DPYSL2: variants seen among roughly 807,000 people sequenced by gnomAD.
DPYSL2 encodes dihydropyrimidinase-related protein 2.
Under a neutral mutation model 69.9 loss-of-function variants are expected in DPYSL2, and 13 were observed. The ratio of observed to expected loss-of-function variants is 0.19; its 90% CI spans 0.12 to 0.30. DPYSL2 has a LOEUF of 0.30. Among genes scored for constraint, DPYSL2 ranks in the 10% least tolerant of loss-of-function variants. The pLI, the probability that DPYSL2 is intolerant of heterozygous loss-of-function variation, is 1.00. For missense variants in DPYSL2, 587 were observed against 918.9 expected (o/e 0.64, Z 4.67); for synonymous variants, 326 against 359.1 (o/e 0.91, Z 1.04).
At chr8:26,569,927 G>A (rs1003041345) in intron 1 of DPYSL2, among the ~76,000 whole-genome samples, 6 of 152,106 alleles carry the variant, frequency 3.9e-5, no homozygotes, top group Non-Finnish European at 7.3e-5. Flanking sequence ...AAGATCAGTC[G>A]GGCGCGGTGG....
chr8:26,622,090 T>TTCCTTCCTTCCTTCCTTCCTTCC (rs1563413218), intron 3 of DPYSL2, among the ~76,000 whole-genome samples: 1 of 64,376 alleles, frequency 1.6e-5, no homozygotes, highest in Non-Finnish European at 3.2e-5. Context: ...TCTTTCTTTC[T>TTCCTTCCTTCCTTCCTTCCTTCC]TTCCTTCCTT....
intron 3 of DPYSL2, among the ~76,000 whole-genome samples, chr8:26,601,738 G>C (rs1233299505): frequency 6.6e-6 from 1 of 152,200 alleles, no homozygotes; most frequent in Non-Finnish European, 1.5e-5. Context: ...GAGAGACCTT[G>C]GGTTGAAACA....
chr8:26,555,022 T>C (rs774648733), intron 1 of DPYSL2, among the ~76,000 whole-genome samples: 65 of 152,088 alleles, frequency 4.3e-4, no homozygotes, highest in Non-Finnish European at 7.5e-4. Context: ...AAAGATCACA[T>C]GATTATACCA....
intron 1 of DPYSL2, among the ~76,000 whole-genome samples, chr8:26,551,902 C>T (rs1324242388): frequency 3.3e-5 from 5 of 152,180 alleles, no homozygotes; most frequent in Non-Finnish European, 5.9e-5. Context: ...CATCCTTGAA[C>T]TCCTGGGCTC....
Position 26,600,575 on chromosome 8 carries a change from A to G in DPYSL2, c.628+16592A>G, listed in dbSNP as rs573202635. 2.6e-4 allele frequency among the ~76,000 whole-genome samples: 40 copies of G among 152,250 alleles called. 1 individual carries two copies. The South Asian group carries it at 8.3e-3, about 32-fold the overall frequency. On this transcript the variant is annotated intron_variant, in intron 3 of 13. Coordinates refer to ENST00000521913, the MANE Select transcript of DPYSL2 (RefSeq NM_001197293.3). Reference sequence around the variant, plus strand: ...TGTACTCATTCACTGACCCCTAGTCACATTTATCTTGACCTGTGATGTGAG... The same window carrying G: ...TGTACTCATTCACTGACCCCTAGTCGCATTTATCTTGACCTGTGATGTGAG...
rs986987786 is a variant in DPYSL2, at chr8:26,653,165, G to C, written c.1777-67G>C. 6 of 1,557,750 alleles carry C rather than the reference G, an allele frequency of 3.9e-6. No homozygotes were observed. The African/African-American group carries it at 4.1e-5, about 11-fold the overall frequency. ...ATCTCACAGGCCCATCCTCCCTCCA[G>C]GAGGGTTTCTAGAGAGGTATCCTCT... On this transcript the variant is annotated intron_variant, in intron 12 of 13. Transcript: ENST00000521913. This position sits in a 1 kb window ranked among gnomAD's most constrained non-coding sequence, Gnocchi z 5.7.
chr8:26,567,803 C>A (rs997350779), intron 1 of DPYSL2, among the ~76,000 whole-genome samples: 11 of 152,178 alleles, frequency 7.2e-5, no homozygotes, highest in African/African-American at 2.4e-4. Flanking sequence ...GAGGTAGTGG[C>A]CTTAGATGGG....
At chr8:26,523,587 A>G (rs1808426052) in intron 1 of DPYSL2, among the ~76,000 whole-genome samples, 1 of 152,020 alleles carries the variant, frequency 6.6e-6, no homozygotes, top group Admixed American at 6.6e-5. Context: ...TTTTTTAACT[A>G]GTTTATTTCA....
chr8:26,655,726 C>T lies in DPYSL2; in HGVS notation c.*20C>T, dbSNP rs760038630. 2 of 1,577,056 alleles carry T rather than the reference C, an allele frequency of 1.3e-6. No homozygotes were observed. Among genetic ancestry groups the T allele is most frequent in the East Asian group, 4.5e-5 (2 of 44,312 alleles). Reference sequence around the variant, plus strand: ...GGCTAGAGCTCCTGGGCTGTGCCGTCCACTGGGGACTGGGGATGGGACACC... The same window carrying T: ...GGCTAGAGCTCCTGGGCTGTGCCGTTCACTGGGGACTGGGGATGGGACACC... On this transcript the variant is annotated 3_prime_UTR_variant, in exon 14 of 14. Coordinates refer to ENST00000521913, the MANE Select transcript of DPYSL2 (RefSeq NM_001197293.3).
chr8:26,592,328 T>A (rs186613498), intron 3 of DPYSL2, among the ~76,000 whole-genome samples: 64 of 152,320 alleles, frequency 4.2e-4, no homozygotes, highest in Admixed American at 2.0e-3. Context: ...AATTTTTTAC[T>A]TGTTAGTAGA....
chr8:26,556,770 G>C (rs1800995240), intron 1 of DPYSL2, among the ~76,000 whole-genome samples: 1 of 151,988 alleles, frequency 6.6e-6, no homozygotes, highest in Non-Finnish European at 1.5e-5. Flanking sequence ...GAGAAGCAAA[G>C]GAGTTCAGAA....
Position 26,644,100 on chromosome 8 carries a change from C to G in DPYSL2, c.1425+9C>G, listed in dbSNP as rs557783598. 9.9e-6 allele frequency: 16 copies of G among 1,613,428 alleles called. No homozygotes were observed. The African/African-American group carries it at 1.9e-4, about 19-fold the overall frequency. ...TCTGGGACAAGGCTGTGGTAAGGAGCGATGGCCTCACTCCTTGGTGGCTCT... is the reference window on the plus strand; with the variant it reads ...TCTGGGACAAGGCTGTGGTAAGGAGGGATGGCCTCACTCCTTGGTGGCTCT... On this transcript the variant is annotated intron_variant, in intron 10 of 13. Coordinates refer to ENST00000521913, the MANE Select transcript of DPYSL2 (RefSeq NM_001197293.3). This position sits in a 1 kb window ranked among gnomAD's most constrained non-coding sequence, Gnocchi z 4.5.
chr8:26,525,048 C>T (rs968139525), intron 1 of DPYSL2, among the ~76,000 whole-genome samples: 1 of 152,034 alleles, frequency 6.6e-6, no homozygotes, highest in African/African-American at 2.4e-5. Flanking sequence ...TAGTTTTCCT[C>T]TAATTTTTAA....
chr8:26,537,166 G>A (rs557264096), intron 1 of DPYSL2, among the ~76,000 whole-genome samples: 2 of 152,228 alleles, frequency 1.3e-5, no homozygotes, highest in South Asian at 4.1e-4. Context: ...TACAGAGTTG[G>A]TTAGGTAATA....
chr8:26,569,386 AC>A (rs763302376), intron 1 of DPYSL2, among the ~76,000 whole-genome samples: 6,027 of 146,806 alleles, frequency 0.041, 156 homozygotes, highest in South Asian at 0.12. Flanking sequence ...ACAAAAAAAA[AC>A]CAAAGAAAAA....
intron 1 of DPYSL2, among the ~76,000 whole-genome samples, chr8:26,524,213 G>C (rs1349464829): frequency 6.6e-6 from 1 of 152,104 alleles, no homozygotes; most frequent in African/African-American, 2.4e-5. Flanking sequence ...TGTTTGTTTT[G>C]ATAGACATCA....
rs1292198814 is a variant in DPYSL2 at position 26,514,703 on chromosome 8, A to C, written c.354+24A>C. The C allele has an allele frequency of 1.7e-6, 2 of 1,145,482 alleles. No homozygotes were observed. Among genetic ancestry groups the C allele is most frequent in the Non-Finnish European group, 2.3e-6 (2 of 878,066 alleles). 71.0% of individuals were successfully genotyped at this position (1,145,482 alleles called of 1,614,324 possible). On this transcript the variant is annotated intron_variant, in intron 1 of 13. Coordinates refer to ENST00000521913, the MANE Select transcript of DPYSL2 (RefSeq NM_001197293.3). This position sits in a 1 kb window ranked among gnomAD's most constrained non-coding sequence, Gnocchi z 8.4. ...AGGTCGGTGTGGGGGTTGGGGGTGG[A>C]GACGGAGGACGGGGCGCGGGGATCG...
Position 26,626,025 on chromosome 8 carries a change from G to C in DPYSL2, c.794-592G>C, listed in dbSNP as rs1479116589. On this transcript the variant is annotated intron_variant, in intron 4 of 13. Transcript: ENST00000521913. The surrounding 1 kb of genome is among the most constrained non-coding windows in gnomAD (Gnocchi z 4.3). ...TTCACCCCAGTCCCTGGCAACTGCT[G>C]TTGTACTTTCTGTCTGTGAAATTGA... Among the ~76,000 whole-genome samples, 1 of 152,168 alleles carries C rather than the reference G, an allele frequency of 6.6e-6. No individual in the cohort carries two copies. Among genetic ancestry groups the C allele is most frequent in the African/African-American group, 2.4e-5 (1 of 41,450 alleles).
rs1249096747 is a variant in DPYSL2, at chr8:26,556,371, A to ATATATG, written c.355-25593_355-25592insGTATAT. Among the ~76,000 whole-genome samples the ATATATG allele has an allele frequency of 5.6e-4, 54 of 95,598 alleles. 2 individuals carry two copies. Among genetic ancestry groups the ATATATG allele is most frequent in the Non-Finnish European group, 8.9e-4 (45 of 50,496 alleles). 62.7% of individuals were successfully genotyped at this position (95,598 alleles called of 152,430 possible). ...TATATAGTATATATATATAGTATATATATATAGTATATACACACATACATG... is the reference window on the plus strand; with the variant it reads ...TATATAGTATATATATATAGTATATATATATGTATATAGTATATACACACATACATG... On this transcript the variant is annotated intron_variant, in intron 1 of 13. Transcript: ENST00000521913.
Sources: allele counts gnomAD v4.1 joint callset (sites outside exome capture counted in the v4.1 genomes callset), GRCh38; gene constraint gnomAD v4.1.1; non-coding constraint Gnocchi (gnomAD v3.1); transcripts MANE v1.5; gene names NCBI Gene and HGNC (gene_info 2026-07-23, HGNC 2026-07-21).